Variants in PPARGC1A observed in about 807,000 individuals in gnomAD.
PPARGC1A encodes the protein peroxisome proliferator-activated receptor gamma coactivator 1-alpha.
Under a neutral mutation model 88.7 loss-of-function variants are expected in PPARGC1A, and 25 were observed. That is an observed-to-expected ratio of 0.28 (90% CI 0.21 to 0.39). PPARGC1A has a LOEUF of 0.39. Ranked by LOEUF, PPARGC1A falls within the 10% of genes least tolerant of loss-of-function variation. The pLI is 1.00. For missense variants in PPARGC1A, 880 were observed against 968.7 expected (o/e 0.91, Z 1.22); for synonymous variants, 363 against 355.6 (o/e 1.02, Z -0.24).
the PPARGC1A span, among the ~76,000 whole-genome samples, chr4:24,253,618 G>A: frequency 6.6e-6 from 1 of 152,220 alleles, no homozygotes; most frequent in Admixed American, 6.5e-5. Context: ...ACATTCAACA[G>A]GGCCTGGGCC....
At chr4:23,849,449 A>G (rs1728886415) in intron 2 of PPARGC1A, among the ~76,000 whole-genome samples, 2 of 152,208 alleles carry the variant, frequency 1.3e-5, no homozygotes, top group African/African-American at 4.8e-5. Context: ...CATAGCTGAT[A>G]AAAAGGCTCA....
Position 23,830,619 on chromosome 4 carries a change from A to G in PPARGC1A, c.429+938T>C, listed in dbSNP as rs935817424. Among the ~76,000 whole-genome samples, 3 of 152,218 alleles carry G rather than the reference A, an allele frequency of 2.0e-5. No individual in the cohort carries two copies. In the South Asian group the frequency reaches 6.2e-4, roughly 31 times the overall value. On this transcript the variant is annotated intron_variant, in intron 3 of 12. Transcript: ENST00000264867. ...TATATTTGCATAGAGTATTTTTAAC[A>G]TTCAAAAACTTAGTGATAGGAGAGT...
At chr4:23,900,856 A>G (rs1179237928), upstream of PPARGC1A, among the ~76,000 whole-genome samples, 1 of 152,232 alleles carries the variant, frequency 6.6e-6, no homozygotes, top group Admixed American at 6.5e-5. Context: ...AAGTGAAGAA[A>G]ACAGTTTTTG....
chr4:24,340,379 CTATT>C, the PPARGC1A span, among the ~76,000 whole-genome samples: 1 of 152,150 alleles, frequency 6.6e-6, no homozygotes, highest in South Asian at 2.1e-4. Flanking sequence ...TTCTGACTGG[CTATT>C]TCTCTGTAAG....
At chr4:23,916,672 G>A in the PPARGC1A span, among the ~76,000 whole-genome samples, 3 of 152,092 alleles carry the variant, frequency 2.0e-5, no homozygotes, top group African/African-American at 7.2e-5. Context: ...GTATGAAAGT[G>A]CCTTGATTTA....
chr4:24,117,265 T>C, the PPARGC1A span, among the ~76,000 whole-genome samples: 20,536 of 152,122 alleles, frequency 0.13, 1,996 homozygotes, highest in African/African-American at 0.27. Context: ...TTCTGTGCCT[T>C]GGCTTTTTCT....
chr4:24,289,488 C>T, the PPARGC1A span, among the ~76,000 whole-genome samples: 1 of 152,210 alleles, frequency 6.6e-6, no homozygotes, highest in Non-Finnish European at 1.5e-5. Flanking sequence ...CTCTCCTCGA[C>T]ACTTCCCCTC....
the PPARGC1A span, among the ~76,000 whole-genome samples, chr4:24,087,943 TCTTGA>T: frequency 6.6e-6 from 1 of 152,152 alleles, no homozygotes; most frequent in Non-Finnish European, 1.5e-5. Context: ...TTTGCCCAAC[TCTTGA>T]CTTATTAAAA....
chr4:23,866,991 C>T (rs893345626), intron 2 of PPARGC1A, among the ~76,000 whole-genome samples: 2 of 151,938 alleles, frequency 1.3e-5, no homozygotes, highest in Admixed American at 6.6e-5. Flanking sequence ...TATTAAGAAC[C>T]TACTATGTGT....
At chr4:23,822,621 G>A (rs1303731585) in intron 7 of PPARGC1A, among the ~76,000 whole-genome samples, 1 of 151,970 alleles carries the variant, frequency 6.6e-6, no homozygotes, top group African/African-American at 2.4e-5. Context: ...ACTACTAAGC[G>A]ACCAATTTTG....
At chr4:24,325,110 T>C in the PPARGC1A span, among the ~76,000 whole-genome samples, 2 of 152,298 alleles carry the variant, frequency 1.3e-5, no homozygotes, top group Admixed American at 6.5e-5. Flanking sequence ...CCAAATCAGA[T>C]AGCGTTTAGG....
the PPARGC1A span, among the ~76,000 whole-genome samples, chr4:24,027,065 G>A: frequency 6.6e-6 from 1 of 152,194 alleles, no homozygotes; most frequent in African/African-American, 2.4e-5. Context: ...CAGACTCATA[G>A]GCTTTTAGTA....
chr4:23,906,751 G>A (rs573126734), upstream of PPARGC1A, among the ~76,000 whole-genome samples: 10 of 151,902 alleles, frequency 6.6e-5, no homozygotes, highest in Admixed American at 6.6e-5. Flanking sequence ...TAGAATCAAC[G>A]TCCAACAGAT....
the PPARGC1A span, among the ~76,000 whole-genome samples, chr4:24,288,835 G>C: frequency 6.6e-6 from 1 of 152,156 alleles, no homozygotes; most frequent in African/African-American, 2.4e-5. Context: ...ATGCCTTAGA[G>C]AGACGACTGC....
chr4:24,261,680 G>C, the PPARGC1A span, among the ~76,000 whole-genome samples: 1 of 152,108 alleles, frequency 6.6e-6, no homozygotes, highest in African/African-American at 2.4e-5. Flanking sequence ...CCACTTTTGT[G>C]AATTGTAATA....
At chr4:23,851,183 C>T (rs1434238955) in intron 2 of PPARGC1A, among the ~76,000 whole-genome samples, 1 of 152,170 alleles carries the variant, frequency 6.6e-6, no homozygotes, top group African/African-American at 2.4e-5. Context: ...AAATAATTCT[C>T]ATTTTGCAAT....
the PPARGC1A span, among the ~76,000 whole-genome samples, chr4:24,379,823 A>G: frequency 6.9e-6 from 1 of 144,378 alleles, no homozygotes; most frequent in African/African-American, 2.6e-5. Context: ...CTTTTTGCCC[A>G]GGCTGGAGTG....
chr4:23,974,489 T>A, the PPARGC1A span, among the ~76,000 whole-genome samples: 1 of 152,208 alleles, frequency 6.6e-6, no homozygotes, highest in East Asian at 1.9e-4. Flanking sequence ...ATTAAAAAAA[T>A]TGCTTTAACG....
chr4:24,464,228 C>A, the PPARGC1A span, among the ~76,000 whole-genome samples: 1 of 152,176 alleles, frequency 6.6e-6, no homozygotes, highest in Non-Finnish European at 1.5e-5. Context: ...CTACTACTGC[C>A]ACTTTGTATT....
Sources: gnomAD v4.1 joint callset for allele counts (sites outside exome capture counted in the v4.1 genomes callset) on GRCh38, gnomAD v4.1.1 for gene constraint, MANE v1.5 for transcripts, NCBI Gene and HGNC (gene_info 2026-07-23, HGNC 2026-07-21) for gene names.